Variants in FHIT observed in about 807,000 individuals in gnomAD.
The protein encoded by FHIT is fragile histidine triad diadenosine triphosphatase, also known as bis(5'-adenosyl)-triphosphatase.
FHIT carries 19 observed loss-of-function variants against 17.9 expected under a neutral mutation model. The ratio of observed to expected loss-of-function variants is 1.06; its 90% CI spans 0.74 to 1.56. The LOEUF (loss-of-function observed/expected upper bound fraction) is 1.56. Ranked by LOEUF, FHIT falls within the 40% of genes most tolerant of loss-of-function variation. The pLI is 0.00. For missense variants in FHIT, 248 were observed against 189.2 expected, an observed-to-expected ratio of 1.31 and a Z score of -1.82; for synonymous variants, 81 against 69.7, an observed-to-expected ratio of 1.16 and a Z score of -0.81.
At chr3:60,729,295 A>T (rs1314985566) in intron 4 of FHIT, among the ~76,000 whole-genome samples, 2 of 152,238 alleles carry the variant, frequency 1.3e-5, no homozygotes, top group Non-Finnish European at 2.9e-5. Context: ...AAATGAAAAG[A>T]GCCACCATTC....
intron 4 of FHIT, among the ~76,000 whole-genome samples, chr3:60,584,170 T>C (rs1334008252): frequency 6.6e-6 from 1 of 152,034 alleles, no homozygotes; most frequent in African/African-American, 2.4e-5. Context: ...GAAGAACTCA[T>C]TATATTTTTC....
intron 4 of FHIT, among the ~76,000 whole-genome samples, chr3:60,593,357 C>A (rs1444267377): frequency 5.3e-5 from 8 of 152,094 alleles, no homozygotes; most frequent in African/African-American, 1.7e-4. Context: ...CCTGACACTT[C>A]TCTATAATAA....
intron 7 of FHIT, among the ~76,000 whole-genome samples, chr3:59,933,129 A>G (rs773297585): frequency 6.6e-6 from 1 of 152,108 alleles, no homozygotes; most frequent in African/African-American, 2.4e-5. Flanking sequence ...ATCACCCACT[A>G]TTCTGAGGCT....
At chr3:60,524,500 T>C (rs566835594) in intron 5 of FHIT, among the ~76,000 whole-genome samples, 1 of 152,238 alleles carries the variant, frequency 6.6e-6, no homozygotes, top group South Asian at 2.1e-4. Flanking sequence ...ACAAGGAATC[T>C]AGTGTGGTTG....
At chr3:60,360,003 T>C (rs113292812) in intron 5 of FHIT, among the ~76,000 whole-genome samples, 3,090 of 150,696 alleles carry the variant, frequency 0.021, 74 homozygotes, top group African/African-American at 0.055. Context: ...TTTTCTTTTT[T>C]TTTTTTTCAT....
rs1708330339 is a variant in FHIT, at chr3:59,974,615, TATGTAAAGGCAACC to T, written c.279+36742_279+36755del. On this transcript the variant is annotated intron_variant, in intron 7 of 9. Transcript: ENST00000492590. The stretch of plus-strand genomic sequence containing the variant: ...CAGCAAACCTAGTGAAGGATGAGTC[TATGTAAAGGCAACC>T]ATGTTTGCGGGCAGAGAATATCAAC... Among the ~76,000 whole-genome samples, 9 of 152,274 alleles carry T rather than the reference TATGTAAAGGCAACC, an allele frequency of 5.9e-5. No individual in the cohort carries two copies. In the South Asian group the frequency reaches 1.9e-3, roughly 32 times the overall value.
rs4679627 is a variant in FHIT at position 60,011,243 on chromosome 3, C to T, written c.279+128G>A. ...AATGTCAGGATTTACGGCTCTAACA[C>T]TGAGGGTCTCTCTGACCTCGAAGAT... On this transcript the variant is annotated intron_variant, in intron 7 of 9. Transcript: ENST00000492590. 0.5 allele frequency: 404,236 copies of T among 808,066 alleles called. 102,404 individuals are homozygous for T. The highest frequency in any genetic ancestry group is 0.52 in the Non-Finnish European group (246,504 of 474,868). The allele number at this position is 808,066 out of a possible 1,614,324, so 50.1% of individuals were successfully genotyped here.
chr3:60,069,267 T>A (rs1053420751), intron 5 of FHIT, among the ~76,000 whole-genome samples: 4 of 151,674 alleles, frequency 2.6e-5, no homozygotes, highest in East Asian at 1.9e-4. Flanking sequence ...TACTTTTTTT[T>A]AAATAATGAA....
At chr3:59,842,709 T>G (rs1464158402) in intron 8 of FHIT, among the ~76,000 whole-genome samples, 3 of 152,232 alleles carry the variant, frequency 2.0e-5, no homozygotes, top group African/African-American at 7.2e-5. Flanking sequence ...GTACATCTTC[T>G]CTGGAGAAGT....
At chr3:60,183,589 A>G (rs1702035092) in intron 5 of FHIT, among the ~76,000 whole-genome samples, 1 of 152,130 alleles carries the variant, frequency 6.6e-6, no homozygotes, top group African/African-American at 2.4e-5. Context: ...TGGGTACTTC[A>G]AAAAATCACA....
chr3:60,296,039 G>A (rs558877814), intron 5 of FHIT, among the ~76,000 whole-genome samples: 6 of 152,144 alleles, frequency 3.9e-5, no homozygotes, highest in Admixed American at 1.3e-4. Flanking sequence ...TTCCCCTTTC[G>A]CTTGGCTCAT....
At chr3:60,452,993 A>C (rs1253180447) in intron 5 of FHIT, among the ~76,000 whole-genome samples, 1 of 152,230 alleles carries the variant, frequency 6.6e-6, no homozygotes, top group African/African-American at 2.4e-5. Flanking sequence ...AACAGCAAAG[A>C]ATGTAAGGAT....
At chr3:60,408,406 A>T (rs1701951282) in intron 5 of FHIT, among the ~76,000 whole-genome samples, 1 of 152,136 alleles carries the variant, frequency 6.6e-6, no homozygotes. Flanking sequence ...CTGCGTCCAC[A>T]ACATTAACAT....
chr3:60,521,529 G>T (rs151747), intron 5 of FHIT, among the ~76,000 whole-genome samples: 5 of 152,060 alleles, frequency 3.3e-5, no homozygotes, highest in Non-Finnish European at 5.9e-5. Flanking sequence ...TTACAGGCAT[G>T]AGCCACTGTG....
chr3:60,873,203 A>G (rs1355526766), intron 3 of FHIT, among the ~76,000 whole-genome samples: 2 of 152,078 alleles, frequency 1.3e-5, no homozygotes, highest in Non-Finnish European at 2.9e-5. Context: ...GAAACCTGCA[A>G]TGCAGAACCA....
In FHIT at chr3:60,294,274, C is replaced by G. The variant is rs536956929; in HGVS notation, c.103+242586G>C. The stretch of plus-strand genomic sequence containing the variant: ...ACATAACAGATTCACTCTTGCATGT[C>G]CAAGCGTACTTCTGAGATGGTGAAA... On this transcript the variant is annotated intron_variant, in intron 5 of 9. Transcript: ENST00000492590. Among the ~76,000 whole-genome samples the G allele has an allele frequency of 1.3e-4, 20 of 152,162 alleles. No homozygotes were observed. In the South Asian group the frequency reaches 4.2e-3, roughly 32 times the overall value.
chr3:60,301,976 C>T lies in FHIT; in HGVS notation c.103+234884G>A, dbSNP rs950914490. On this transcript the variant is annotated intron_variant, in intron 5 of 9. Coordinates refer to ENST00000492590, the MANE Select transcript of FHIT (RefSeq NM_002012.4). ...ATAAAAGGAAAAAAAAGTTTGCTCT[C>T]GGGAGATGATTAAATACCCATATTG... Among the ~76,000 whole-genome samples the T allele has an allele frequency of 3.9e-5, 6 of 152,040 alleles. No individual in the cohort carries two copies. The South Asian group carries it at 6.2e-4, about 16-fold the overall frequency.
At chr3:60,374,810 G>C (rs1559863772) in intron 5 of FHIT, among the ~76,000 whole-genome samples, 2 of 152,064 alleles carry the variant, frequency 1.3e-5, no homozygotes, top group African/African-American at 4.8e-5. Context: ...GTGTGGCTGT[G>C]TGTTTTTTAA....
intron 5 of FHIT, among the ~76,000 whole-genome samples, chr3:60,283,834 T>A (rs1304218706): frequency 6.6e-6 from 1 of 151,978 alleles, no homozygotes; most frequent in Non-Finnish European, 1.5e-5. Flanking sequence ...AAAAGGAGAC[T>A]ATGGGCCAAA....
Sources: allele counts gnomAD v4.1 joint callset (sites outside exome capture counted in the v4.1 genomes callset), GRCh38; gene constraint gnomAD v4.1.1; transcripts MANE v1.5; gene names NCBI Gene and HGNC (gene_info 2026-07-23, HGNC 2026-07-21).